Variants in GRM7 observed in about 807,000 individuals in gnomAD.
GRM7 encodes glutamate metabotropic receptor 7.
GRM7 carries 35 observed loss-of-function variants against 84.5 expected under a neutral mutation model. That is an observed-to-expected ratio of 0.41 (90% CI 0.32 to 0.55). GRM7 has a LOEUF of 0.55. GRM7 is among the 20% of genes least tolerant of loss of function. The pLI, the probability that GRM7 is intolerant of heterozygous loss-of-function variation, is 0.19. For missense variants in GRM7, 1,003 were observed against 1,194.6 expected (o/e 0.84, Z 2.36); for synonymous variants, 487 against 455.1 (o/e 1.07, Z -0.89).
At chr3:7,682,992 G>A (rs1306528212) in intron 9 of GRM7, among the ~76,000 whole-genome samples, 1 of 152,204 alleles carries the variant, frequency 6.6e-6, no homozygotes, top group Non-Finnish European at 1.5e-5. Context: ...GTTAACAGCA[G>A]AGGTTGGACT....
intron 1 of GRM7, among the ~76,000 whole-genome samples, chr3:7,041,505 A>G (rs142363762): frequency 6.6e-6 from 1 of 152,178 alleles, no homozygotes; most frequent in Non-Finnish European, 1.5e-5. Context: ...AACATACCAC[A>G]ATTTGTTTAT....
chr3:7,302,320 A>AT (rs1243022062), intron 3 of GRM7, among the ~76,000 whole-genome samples: 1 of 152,164 alleles, frequency 6.6e-6, no homozygotes, highest in Non-Finnish European at 1.5e-5. Flanking sequence ...ATCACATAGA[A>AT]TTTTGTCATC....
At chr3:7,305,188 A>AT (rs1700144675) in intron 3 of GRM7, among the ~76,000 whole-genome samples, 1 of 151,760 alleles carries the variant, frequency 6.6e-6, no homozygotes, top group Non-Finnish European at 1.5e-5. Context: ...ACTGACTTTT[A>AT]GTCATTCCCT....
intron 1 of GRM7, among the ~76,000 whole-genome samples, chr3:7,021,874 C>T (rs1695789002): frequency 6.6e-6 from 1 of 152,176 alleles, no homozygotes; most frequent in Non-Finnish European, 1.5e-5. Flanking sequence ...TTTGTTGTTT[C>T]AGTAGCACAT....
chr3:7,124,226 A>T (rs1451509993), intron 1 of GRM7, among the ~76,000 whole-genome samples: 1 of 152,222 alleles, frequency 6.6e-6, no homozygotes, highest in Non-Finnish European at 1.5e-5. Context: ...CTGATTCTGA[A>T]AATACTTTAG....
At chr3:7,655,181 G>A (rs369300479) in intron 8 of GRM7, among the ~76,000 whole-genome samples, 83 of 152,298 alleles carry the variant, frequency 5.4e-4, no homozygotes, top group Middle Eastern at 3.4e-3. Flanking sequence ...ATTCCACCAG[G>A]AAATGGAATT....
intron 1 of GRM7, among the ~76,000 whole-genome samples, chr3:7,099,212 CATATAATAATACATGTATTATACATGT>C (rs1177670429): frequency 2.6e-4 from 38 of 147,742 alleles, no homozygotes; most frequent in African/African-American, 7.2e-4. Flanking sequence ...TATTATATTG[CATATAATAATACATGTATTATACATGT>C]ATATATGAAT....
chr3:7,647,440 G>A (rs191371792), intron 8 of GRM7, among the ~76,000 whole-genome samples: 2 of 152,182 alleles, frequency 1.3e-5, no homozygotes, highest in Non-Finnish European at 2.9e-5. Context: ...AAGGAGGCTG[G>A]TATACTAGGA....
chr3:7,231,098 A>C (rs1003065123), intron 2 of GRM7, among the ~76,000 whole-genome samples: 1 of 152,128 alleles, frequency 6.6e-6, no homozygotes, highest in Non-Finnish European at 1.5e-5. Context: ...CTAGAGAAAG[A>C]GAAGAGGGCT....
In GRM7 at chr3:7,569,652, C is replaced by A. The variant is rs148964880; in HGVS notation, c.1516-8770C>A. Among the ~76,000 whole-genome samples, 1,222 of 152,212 alleles carry A rather than the reference C, an allele frequency of 8.0e-3. 14 individuals are homozygous for A. The highest frequency in any genetic ancestry group is 0.028 in the African/African-American group (1,157 of 41,516). On this transcript the variant is annotated intron_variant, in intron 7 of 9. Coordinates refer to ENST00000357716, the MANE Select transcript of GRM7 (RefSeq NM_000844.4). ...CTCCTCACCCTTTGGGTCCACACTG[C>A]CTTTATGAGCTGTAACACTCACCAT...
At chr3:7,006,728 A>G (rs1018249266) in intron 1 of GRM7, among the ~76,000 whole-genome samples, 4 of 152,218 alleles carry the variant, frequency 2.6e-5, no homozygotes, top group Admixed American at 2.0e-4. Context: ...ATAAAATATC[A>G]TCACATAGAG....
chr3:7,076,426 T>C (rs1471823937), intron 1 of GRM7, among the ~76,000 whole-genome samples: 1 of 152,102 alleles, frequency 6.6e-6, no homozygotes, highest in East Asian at 1.9e-4. Context: ...TCTCAGAAGA[T>C]TTAATGTGTT....
intron 4 of GRM7, among the ~76,000 whole-genome samples, chr3:7,307,880 C>T (rs1356570464): frequency 6.6e-6 from 1 of 152,168 alleles, no homozygotes; most frequent in African/African-American, 2.4e-5. Flanking sequence ...TCAAAGCATA[C>T]AGAGCTGAGT....
chr3:7,738,096 G>A (rs1297158130), intron 9 of GRM7, among the ~76,000 whole-genome samples: 1 of 151,938 alleles, frequency 6.6e-6, no homozygotes. Flanking sequence ...TGATCCACCC[G>A]TCTCGGCCTC....
chr3:7,475,044 T>C (rs1698865835), intron 7 of GRM7, among the ~76,000 whole-genome samples: 1 of 152,210 alleles, frequency 6.6e-6, no homozygotes. Flanking sequence ...AATACACAAC[T>C]ATTCAGTTGT....
At chr3:7,410,429 C>T (rs1399129199) in intron 4 of GRM7, among the ~76,000 whole-genome samples, 1 of 151,864 alleles carries the variant, frequency 6.6e-6, no homozygotes, top group African/African-American at 2.4e-5. Context: ...AAAAATTATC[C>T]AGGCATGGTG....
At chr3:7,359,835 A>C (rs73809075) in intron 4 of GRM7, among the ~76,000 whole-genome samples, 20,707 of 148,106 alleles carry the variant, frequency 0.14, 3,477 homozygotes, top group African/African-American at 0.28. Context: ...AAGTGCTTAC[A>C]CCGACAATTC....
intron 2 of GRM7, among the ~76,000 whole-genome samples, chr3:7,294,353 C>T (rs1699742224): frequency 6.6e-6 from 1 of 152,090 alleles, no homozygotes; most frequent in Admixed American, 6.6e-5. Flanking sequence ...TTCTTCTCCC[C>T]AGGAGTCCCA....
At chr3:6,962,626 G>A (rs1380461855) in intron 1 of GRM7, among the ~76,000 whole-genome samples, 2 of 152,186 alleles carry the variant, frequency 1.3e-5, no homozygotes, top group African/African-American at 4.8e-5. Context: ...CAGGTGAGAA[G>A]TGGTTAAACA....
Sources: gnomAD v4.1 joint callset for allele counts (sites outside exome capture counted in the v4.1 genomes callset) on GRCh38, gnomAD v4.1.1 for gene constraint, MANE v1.5 for transcripts, NCBI Gene and HGNC (gene_info 2026-07-23, HGNC 2026-07-21) for gene names.